The following ACOT1 variants were observed in gnomAD, a reference collection of about 807,000 sequenced individuals.
ACOT1 encodes the protein acyl-coenzyme A thioesterase 1.
A neutral mutation model predicts 15.7 loss-of-function variants in ACOT1; 8 were observed. That is an observed-to-expected ratio of 0.51 (90% CI 0.30 to 0.92). ACOT1 has a LOEUF of 0.92. ACOT1 is among the 40% of genes least tolerant of loss of function. ACOT1 has a pLI of 0.06. For synonymous variants in ACOT1, 67 were observed against 241.2 expected, an observed-to-expected ratio of 0.28 and a Z score of 6.69; for missense variants, 151 against 539.4, an observed-to-expected ratio of 0.28 and a Z score of 7.13.
At chr14:73,535,462 C>CTTTTTT (rs374219358), upstream of ACOT1, among the ~76,000 whole-genome samples, 47 of 59,332 alleles carry the variant, frequency 7.9e-4, 17 homozygotes, top group Non-Finnish European at 8.0e-4. Flanking sequence ...TTTTCTTTTT[C>CTTTTTT]TTCTTTCTTT....
chr14:73,520,909 G>A, the ACOT1 span: 12 of 1,613,874 alleles, frequency 7.4e-6, no homozygotes, highest in Admixed American at 8.3e-5. Flanking sequence ...TTTCCAGCTC[G>A]GGGAGTCACC....
chr14:73,491,745 C>T, the ACOT1 span: 16 of 1,556,544 alleles, frequency 1.0e-5, no homozygotes, highest in Non-Finnish European at 1.4e-5. Context: ...GGACTTTTCT[C>T]TACCGCTGAC....
the ACOT1 span, among the ~76,000 whole-genome samples, chr14:73,518,011 A>G: frequency 1.3e-5 from 2 of 152,080 alleles, no homozygotes; most frequent in Non-Finnish European, 2.9e-5. Context: ...ACTTGAACCC[A>G]GGAGGCGGAG....
the ACOT1 span, chr14:73,519,298 T>C: frequency 2.7e-6 from 2 of 731,404 alleles, no homozygotes; most frequent in Non-Finnish European, 4.3e-6. Context: ...ACTGCCATAC[T>C]CTGGGGCATC....
At chr14:73,491,681 C>T in the ACOT1 span, 2 of 1,549,884 alleles carry the variant, frequency 1.3e-6, no homozygotes, top group South Asian at 2.4e-5. Context: ...TTACCGGCGC[C>T]TATGGGAGCG....
intron 1 of ACOT1, among the ~76,000 whole-genome samples, chr14:73,540,665 T>A (rs1163349995): frequency 8.4e-6 from 1 of 119,412 alleles, no homozygotes; most frequent in African/African-American, 2.9e-5. Context: ...GGCACAGGGG[T>A]CTGTGGGACG....
the ACOT1 span, chr14:73,508,181 T>G: frequency 1.2e-6 from 2 of 1,614,136 alleles, no homozygotes; most frequent in Non-Finnish European, 1.7e-6. Flanking sequence ...TGTTCCTCAG[T>G]GTCCTCATTC....
chr14:73,509,555 G>T, the ACOT1 span: 1 of 1,441,620 alleles, frequency 6.9e-7, no homozygotes, highest in Non-Finnish European at 9.7e-7. Context: ...GCCATGTGGT[G>T]GCCAACCTCA....
the ACOT1 span, among the ~76,000 whole-genome samples, chr14:73,494,845 G>A: frequency 4.6e-5 from 7 of 152,214 alleles, no homozygotes; most frequent in South Asian, 2.1e-4. Flanking sequence ...CCAGGTGTGC[G>A]CCACCACGCC....
intron 1 of ACOT1, chr14:73,539,709 G>GCC (rs1437458530): frequency 8.4e-6 from 1 of 118,890 alleles, no homozygotes; most frequent in African/African-American, 2.8e-5. Flanking sequence ...GGCGGCTGAA[G>GCC]CCCCACAGGA....
chr14:73,495,173 TG>T, the ACOT1 span: 5 of 1,513,788 alleles, frequency 3.3e-6, no homozygotes, highest in East Asian at 1.1e-4. Context: ...ATCCAGATCC[TG>T]GAAGAGGCTT....
At chr14:73,522,817 C>T in the ACOT1 span, 6 of 1,614,058 alleles carry the variant, frequency 3.7e-6, no homozygotes, top group Admixed American at 6.7e-5. Context: ...GTTTCTGAGG[C>T]CGGGCCTTCC....
At chr14:73,523,058 G>T in the ACOT1 span, 2 of 1,613,986 alleles carry the variant, frequency 1.2e-6, no homozygotes. Context: ...TTTCAATTTT[G>T]AGTAGTTTAA....
chr14:73,501,652 C>T, the ACOT1 span, among the ~76,000 whole-genome samples: 1 of 147,746 alleles, frequency 6.8e-6, no homozygotes, highest in Non-Finnish European at 1.5e-5. Context: ...TGGCTCATGA[C>T]AGCTTTGGAC....
chr14:73,522,685 G>A, the ACOT1 span: 107,061 of 1,614,186 alleles, frequency 0.066, 4,236 homozygotes, highest in Non-Finnish European at 0.08. Context: ...CTTCCCGGAC[G>A]GTGCTGGCTG....
chr14:73,502,566 T>G, the ACOT1 span, among the ~76,000 whole-genome samples: 1 of 152,020 alleles, frequency 6.6e-6, no homozygotes. Flanking sequence ...TTTTTTTTTT[T>G]GAGACGGAGT....
At chr14:73,522,318 G>C in the ACOT1 span, 103 of 1,614,056 alleles carry the variant, frequency 6.4e-5, no homozygotes, top group Non-Finnish European at 8.2e-5. Flanking sequence ...TTTTCCTGTG[G>C]GGGCAGGATG....
the ACOT1 span, among the ~76,000 whole-genome samples, chr14:73,524,310 A>AAAAAATATATATATATAT: frequency 9.1e-5 from 5 of 54,778 alleles, no homozygotes; most frequent in South Asian, 7.9e-4. Context: ...AAAAAAAAAA[A>AAAAAATATATATATATAT]ATATATATAT....
At chr14:73,496,101 G>C in the ACOT1 span, among the ~76,000 whole-genome samples, 1 of 152,006 alleles carries the variant, frequency 6.6e-6, no homozygotes, top group South Asian at 2.1e-4. Flanking sequence ...CTGCACTCCA[G>C]CCTGGGCGAC....
Sources: gnomAD v4.1 joint callset for allele counts (sites outside exome capture counted in the v4.1 genomes callset) on GRCh38, gnomAD v4.1.1 for gene constraint, MANE v1.5 for transcripts, NCBI Gene and HGNC (gene_info 2026-07-23, HGNC 2026-07-21) for gene names.